KCNN2: variants seen among roughly 807,000 people sequenced by gnomAD.
KCNN2 encodes potassium calcium-activated channel subfamily N member 2, also known as small conductance calcium-activated potassium channel protein 2.
KCNN2 carries 24 observed loss-of-function variants against 55.5 expected under a neutral mutation model. That is an observed-to-expected ratio of 0.43 (90% CI 0.31 to 0.61). KCNN2 has a LOEUF of 0.61. Ranked by LOEUF, KCNN2 falls within the 20% of genes least tolerant of loss-of-function variation. KCNN2 has a pLI of 0.08. For synonymous variants in KCNN2, 431 were observed against 336.1 expected, an observed-to-expected ratio of 1.28 and a Z score of -3.09; for missense variants, 754 against 853.6, an observed-to-expected ratio of 0.88 and a Z score of 1.45.
rs1399870715 is a variant in KCNN2 at position 114,363,051 on chromosome 5, A to T, written c.912A>T (p.Gly304=). The T allele has an allele frequency of 3.1e-6, 5 of 1,607,160 alleles. No individual in the cohort carries two copies. The highest frequency in any genetic ancestry group is 4.2e-6 in the Non-Finnish European group (5 of 1,178,560). The change falls in exon 1 of 8, where the codon GGA becomes GGT. Residue 304 remains glycine (G), a synonymous_variant. Transcript: ENST00000673685. ...CCGGCGGCGGAGGCAGCACTGGAGGAGGCGGCGGCGGTGGCGGGAGCGGGC... is the reference window on the plus strand; with the variant it reads ...CCGGCGGCGGAGGCAGCACTGGAGGTGGCGGCGGCGGTGGCGGGAGCGGGC... ...YGTGGGGSTG[G]GGGGGGSGHG...
At chr5:114,254,509 A>G (rs1754943094) in intron 2 of KCNN2, among the ~76,000 whole-genome samples, 2 of 152,326 alleles carry the variant, frequency 1.3e-5, no homozygotes, top group South Asian at 2.1e-4. Flanking sequence ...TTCTGCAGAA[A>G]GGTCTTCAAA....
chr5:114,435,620 TAAAA>T (rs774035555), intron 3 of KCNN2, among the ~76,000 whole-genome samples: 12 of 147,680 alleles, frequency 8.1e-5, no homozygotes, highest in African/African-American at 3.0e-4. Flanking sequence ...ATTTTTACTC[TAAAA>T]AAAAAAGATG....
chr5:114,417,817 G>A (rs977846560), intron 3 of KCNN2, among the ~76,000 whole-genome samples: 46 of 152,142 alleles, frequency 3.0e-4, no homozygotes, highest in Admixed American at 6.5e-4. Context: ...ATGTAAAAAT[G>A]GGGGTACAAA....
At chr5:114,067,789 C>T (rs888514972) in intron 1 of KCNN2, among the ~76,000 whole-genome samples, 4 of 152,168 alleles carry the variant, frequency 2.6e-5, no homozygotes, top group Non-Finnish European at 2.9e-5. Flanking sequence ...TCATTTGCTC[C>T]AATTTAATTT....
chr5:114,254,748 C>T (rs1754948318), intron 2 of KCNN2, among the ~76,000 whole-genome samples: 1 of 152,012 alleles, frequency 6.6e-6, no homozygotes, highest in African/African-American at 2.4e-5. Context: ...AAAATATTGC[C>T]TATGCTTATT....
At chr5:114,466,279 T>C (rs533476593) in intron 4 of KCNN2, among the ~76,000 whole-genome samples, 2 of 152,252 alleles carry the variant, frequency 1.3e-5, no homozygotes, top group East Asian at 3.9e-4. Flanking sequence ...TTTACTATTG[T>C]AAAGGTCATG....
intron 1 of KCNN2, among the ~76,000 whole-genome samples, chr5:114,163,964 A>G (rs111390033): frequency 2.6e-5 from 4 of 152,266 alleles, no homozygotes; most frequent in African/African-American, 7.2e-5. Context: ...TCATGGGTGT[A>G]GAATATTGAG....
rs1747598120 is a variant in KCNN2 at position 114,487,169 on chromosome 5, T to C, written c.2010T>C (p.Ala670=). 1 of 1,612,616 alleles carries C rather than the reference T, an allele frequency of 6.2e-7. No homozygotes were observed. Among genetic ancestry groups the C allele is most frequent in the African/African-American group, 1.3e-5 (1 of 74,868 alleles). The change falls in exon 6 of 8, where the codon GCT becomes GCC. Residue 670 remains alanine, a synonymous_variant. Coordinates refer to ENST00000673685, the MANE Select transcript of KCNN2 (RefSeq NM_021614.4). Reference sequence around the variant, plus strand: ...AACATCAACGAAAATTCCTGCAAGCTATTCATCAGTAAGTATCATTTTTCA... The same window carrying C: ...AACATCAACGAAAATTCCTGCAAGCCATTCATCAGTAAGTATCATTTTTCA... ...VRKHQRKFLQ[A]IHQLRSVKME... is the part of the protein sequence containing the mutation.
rs112823925 is a variant in KCNN2, at chr5:114,444,820, T to C, written c.1638-18229T>C. On this transcript the variant is annotated intron_variant, in intron 3 of 7. Transcript: ENST00000673685. ...ACCTTCTTGTCTCACCAAATGAGTC[T>C]GGGGATTGGACAAAGCTGAAGAAAG... Among the ~76,000 whole-genome samples, 502 of 152,258 alleles carry C rather than the reference T, an allele frequency of 3.3e-3. 2 individuals carry two copies. Among genetic ancestry groups the C allele is most frequent in the South Asian group, 0.01 (50 of 4,820 alleles).
chr5:114,491,776 G>A (rs1433037672), intron 6 of KCNN2, among the ~76,000 whole-genome samples: 2 of 152,054 alleles, frequency 1.3e-5, no homozygotes, highest in Non-Finnish European at 2.9e-5. Context: ...TTAGAGTAAG[G>A]ATGGAATCCA....
intron 7 of KCNN2, among the ~76,000 whole-genome samples, chr5:114,495,507 T>A (rs1748069364): frequency 6.6e-6 from 1 of 152,194 alleles, no homozygotes; most frequent in African/African-American, 2.4e-5. Flanking sequence ...GCCCATTTTT[T>A]AAAAATTACC....
chr5:114,163,336 G>T (rs1260296441), intron 1 of KCNN2, among the ~76,000 whole-genome samples: 2 of 152,168 alleles, frequency 1.3e-5, no homozygotes, highest in East Asian at 3.9e-4. Context: ...TGTTGAATAG[G>T]AGTGGTGAGA....
intron 2 of KCNN2, among the ~76,000 whole-genome samples, chr5:114,319,470 A>T (rs1004828368): frequency 5.9e-5 from 9 of 152,194 alleles, no homozygotes; most frequent in African/African-American, 2.2e-4. Context: ...GAACTCTGTC[A>T]TATATAGCAA....
chr5:114,280,703 T>G (rs889521998), intron 2 of KCNN2, among the ~76,000 whole-genome samples: 1 of 152,322 alleles, frequency 6.6e-6, no homozygotes, highest in African/African-American at 2.4e-5. Flanking sequence ...TAATGGTCTA[T>G]CTACATTTAC....
chr5:114,315,421 CTGTGTGTGTG>C (rs34000645), intron 2 of KCNN2, among the ~76,000 whole-genome samples: 270 of 142,958 alleles, frequency 1.9e-3, no homozygotes, highest in Middle Eastern at 0.014. Context: ...AAGGCAGAAA[CTGTGTGTGTG>C]TGTGTGTGTG....
chr5:114,105,510 T>C (rs753944289), intron 1 of KCNN2, among the ~76,000 whole-genome samples: 15 of 152,066 alleles, frequency 9.9e-5, no homozygotes, highest in Non-Finnish European at 2.2e-4. Flanking sequence ...TTGACATGAG[T>C]CGATCTTAAG....
intron 1 of KCNN2, among the ~76,000 whole-genome samples, chr5:114,179,955 A>G (rs1025783813): frequency 1.3e-5 from 2 of 152,210 alleles, no homozygotes; most frequent in Non-Finnish European, 2.9e-5. Flanking sequence ...TATTTTATTA[A>G]TCCTAGATTT....
At chr5:114,485,724 A>G (rs1246669493) in intron 5 of KCNN2, among the ~76,000 whole-genome samples, 2 of 152,156 alleles carry the variant, frequency 1.3e-5, no homozygotes, top group Non-Finnish European at 2.9e-5. Context: ...TGCATTACAA[A>G]CCAGAGTCAC....
chr5:114,450,501 A>G (rs888603568), intron 3 of KCNN2, among the ~76,000 whole-genome samples: 3 of 152,238 alleles, frequency 2.0e-5, no homozygotes, highest in Non-Finnish European at 4.4e-5. Context: ...AGTCCTGGTT[A>G]AAACATTGTT....
Sources: allele counts gnomAD v4.1 joint callset (sites outside exome capture counted in the v4.1 genomes callset), GRCh38; gene constraint gnomAD v4.1.1; transcripts MANE v1.5; gene names NCBI Gene and HGNC (gene_info 2026-07-23, HGNC 2026-07-21).